The following TMCO4 variants were observed in gnomAD, a reference collection of about 807,000 sequenced individuals.
The protein encoded by TMCO4 is transmembrane and coiled-coil domains 4.
Under a neutral mutation model 64.7 loss-of-function variants are expected in TMCO4, and 58 were observed. That is an observed-to-expected ratio of 0.90 (90% CI 0.73 to 1.12). The LOEUF (loss-of-function observed/expected upper bound fraction) is 1.12. Among genes scored for constraint, TMCO4 ranks in the 50% most tolerant of loss-of-function variants. TMCO4 has a pLI of 0.00. For missense variants in TMCO4, 780 were observed against 825.9 expected (o/e 0.94, Z 0.68); for synonymous variants, 325 against 346.1 (o/e 0.94, Z 0.68).
intron 6 of TMCO4, among the ~76,000 whole-genome samples, chr1:19,768,474 AC>A (rs1456511114): frequency 6.6e-6 from 1 of 152,154 alleles, no homozygotes; most frequent in African/African-American, 2.4e-5. Context: ...AACTCCTGAG[AC>A]TGCCTGGCCC....
At chr1:19,799,248 T>G (rs2044481459) in intron 1 of TMCO4, 2 of 152,402 alleles carry the variant, frequency 1.3e-5, no homozygotes, top group Non-Finnish European at 2.9e-5. Context: ...CTCCTGTAAC[T>G]TCAGGCATGG....
At chr1:19,692,134 C>T (rs2100557344) in intron 15 of TMCO4, among the ~76,000 whole-genome samples, 1 of 152,312 alleles carries the variant, frequency 6.6e-6, no homozygotes, top group East Asian at 1.9e-4. Flanking sequence ...GCACTTGGCA[C>T]TTGATAAATG....
intron 13 of TMCO4, among the ~76,000 whole-genome samples, chr1:19,713,604 C>T (rs1004662582): frequency 2.1e-4 from 32 of 152,022 alleles, no homozygotes; most frequent in African/African-American, 7.7e-4. Flanking sequence ...GAGGTTGAGG[C>T]AGGAGGATGG....
At position 19,748,686 on chromosome 1, in the gene TMCO4, G is replaced by A. The variant is rs563657156; in HGVS notation, c.516-1426C>T. On this transcript the variant is annotated intron_variant, in intron 7 of 15. Coordinates refer to ENST00000294543, the MANE Select transcript of TMCO4 (RefSeq NM_181719.7). ...CTAAAAACACAAAAATTAGCCAGGC[G>A]TGGGGGCAGGCGCCTGTAATTCCAG... Among the ~76,000 whole-genome samples the A allele has an allele frequency of 1.5e-3, 221 of 152,228 alleles. 10 individuals carry two copies. The South Asian group carries it at 0.044, about 30-fold the overall frequency.
intron 6 of TMCO4, among the ~76,000 whole-genome samples, chr1:19,763,742 C>T (rs2294633): frequency 0.29 from 44,081 of 152,140 alleles, 7,317 homozygotes; most frequent in Non-Finnish European, 0.37. Flanking sequence ...ATATTTATTA[C>T]GTAGCCCCAT....
intron 15 of TMCO4, among the ~76,000 whole-genome samples, chr1:19,691,246 C>T (rs2095192515): frequency 6.6e-6 from 1 of 152,106 alleles, no homozygotes; most frequent in Non-Finnish European, 1.5e-5. Flanking sequence ...CTACCCCAGT[C>T]CCCAAAGCTC....
rs1200461957 is a variant in TMCO4 at position 19,696,053 on chromosome 1, C to A, written c.1383-1502G>T. ...ATGCGACGGCCTCTGCACCGCACTCCCTGCTCCTGGCCTCACCTACCTTGA... is the reference window on the plus strand; with the variant it reads ...ATGCGACGGCCTCTGCACCGCACTCACTGCTCCTGGCCTCACCTACCTTGA... On this transcript the variant is annotated intron_variant, in intron 14 of 15. Coordinates refer to ENST00000294543, the MANE Select transcript of TMCO4 (RefSeq NM_181719.7). Among the ~76,000 whole-genome samples, 3 of 152,170 alleles carry A rather than the reference C, an allele frequency of 2.0e-5. No individual in the cohort carries two copies. In the East Asian group the frequency reaches 5.8e-4, roughly 29 times the overall value.
chr1:19,695,279 A>G (rs769067995), intron 14 of TMCO4, among the ~76,000 whole-genome samples: 2 of 152,198 alleles, frequency 1.3e-5, no homozygotes, highest in Non-Finnish European at 2.9e-5. Context: ...CCATTGCTTC[A>G]GGTGCAATGA....
At chr1:19,713,978 C>T (rs189770013) in intron 13 of TMCO4, among the ~76,000 whole-genome samples, 1 of 152,150 alleles carries the variant, frequency 6.6e-6, no homozygotes, top group Non-Finnish European at 1.5e-5. Context: ...TCTCTGTCAC[C>T]CAGACTGGAG....
chr1:19,796,733 C>A (rs2044327779), intron 2 of TMCO4, among the ~76,000 whole-genome samples: 1 of 152,044 alleles, frequency 6.6e-6, no homozygotes, highest in Admixed American at 6.6e-5. Flanking sequence ...TGCCACCATG[C>A]CCAGCTAATT....
intron 6 of TMCO4, among the ~76,000 whole-genome samples, chr1:19,756,407 A>G (rs1357970241): frequency 6.6e-6 from 1 of 152,198 alleles, no homozygotes; most frequent in Admixed American, 6.5e-5. Context: ...GCAACTGGAC[A>G]ATAAGTATCA....
chr1:19,780,704 C>T lies in TMCO4; in HGVS notation c.55G>A (p.Glu19Lys). 7 of 1,612,792 alleles carry T rather than the reference C, an allele frequency of 4.3e-6. No homozygotes were observed. The highest frequency in any genetic ancestry group is 5.1e-6 in the Non-Finnish European group (6 of 1,179,702). ...TGTGGCTCCCCCTCTGCAGTGGGCT[C>T]AGCTACCAGAGGCTGCTGAGGCAGC... Reference protein sequence around the residue: ...QRLPQQPLVAEPTAEGEPHLP... With the variant: ...QRLPQQPLVAKPTAEGEPHLP... The change falls in exon 4 of 16, where the codon GAG becomes AAG. Residue 19 changes from glutamate (E) to lysine (K), a missense_variant. Coordinates refer to ENST00000294543, the MANE Select transcript of TMCO4 (RefSeq NM_181719.7).
intron 6 of TMCO4, among the ~76,000 whole-genome samples, chr1:19,757,170 G>A (rs984718659): frequency 1.4e-5 from 2 of 147,988 alleles, no homozygotes; most frequent in East Asian, 2.1e-4. Flanking sequence ...GGGGGGGGGC[G>A]CCTGTAATTT....
intron 6 of TMCO4, among the ~76,000 whole-genome samples, chr1:19,762,332 G>C (rs935735750): frequency 6.6e-6 from 1 of 152,178 alleles, no homozygotes; most frequent in Non-Finnish European, 1.5e-5. Context: ...CAGTTCTTTG[G>C]AAAGATGGGG....
At chr1:19,769,156 G>T (rs565209402) in intron 6 of TMCO4, among the ~76,000 whole-genome samples, 2 of 152,108 alleles carry the variant, frequency 1.3e-5, no homozygotes, top group Admixed American at 1.3e-4. Flanking sequence ...GGAGACAAAC[G>T]CTAGGATTCC....
intron 4 of TMCO4, among the ~76,000 whole-genome samples, chr1:19,773,211 G>A (rs985289717): frequency 6.6e-6 from 1 of 151,980 alleles, no homozygotes; most frequent in Non-Finnish European, 1.5e-5. Flanking sequence ...AAATAAAAAA[G>A]TAAACTAAAT....
chr1:19,734,349 T>C lies in TMCO4; in HGVS notation c.1264+3023A>G, dbSNP rs564242163. Among the ~76,000 whole-genome samples, 274 of 151,930 alleles carry C rather than the reference T, an allele frequency of 1.8e-3. 1 individual carries two copies. The highest frequency in any genetic ancestry group is 6.3e-3 in the African/African-American group (261 of 41,412). On this transcript the variant is annotated intron_variant, in intron 13 of 15. Coordinates refer to ENST00000294543, the MANE Select transcript of TMCO4 (RefSeq NM_181719.7). The surrounding 1 kb of genome is among the most constrained non-coding windows in gnomAD (Gnocchi z 4.4). Reference sequence around the variant, plus strand: ...GTCTGCCGAGTTGCTGCCGTGTGAGTGTGTGCAGATGCGTGTATGAATGTG... The same window carrying C: ...GTCTGCCGAGTTGCTGCCGTGTGAGCGTGTGCAGATGCGTGTATGAATGTG...
intron 4 of TMCO4, among the ~76,000 whole-genome samples, chr1:19,777,602 G>A (rs1287811697): frequency 6.6e-6 from 1 of 152,182 alleles, no homozygotes; most frequent in Non-Finnish European, 1.5e-5. Flanking sequence ...ACATGCCTCG[G>A]CCTCCCAAAG....
In TMCO4 at chr1:19,734,005, G is replaced by C. The variant is rs758208185; in HGVS notation, c.1264+3367C>G. On this transcript the variant is annotated intron_variant, in intron 13 of 15. Coordinates refer to ENST00000294543, the MANE Select transcript of TMCO4 (RefSeq NM_181719.7). The surrounding 1 kb of genome is among the most constrained non-coding windows in gnomAD (Gnocchi z 4.4). ...ATATGATGAGCTTAGAATTGTGTCT[G>C]GTGCATGAAAACGCAGTGTATTCCA... Among the ~76,000 whole-genome samples, 2 of 152,188 alleles carry C rather than the reference G, an allele frequency of 1.3e-5. No individual in the cohort carries two copies. Among genetic ancestry groups the C allele is most frequent in the Non-Finnish European group, 1.5e-5 (1 of 68,042 alleles).
Sources: gnomAD v4.1 joint callset for allele counts (sites outside exome capture counted in the v4.1 genomes callset) on GRCh38, gnomAD v4.1.1 for gene constraint, Gnocchi (gnomAD v3.1) non-coding constraint, MANE v1.5 for transcripts, NCBI Gene and HGNC (gene_info 2026-07-23, HGNC 2026-07-21) for gene names.